Variants in AOPEP observed in about 807,000 individuals in gnomAD.
The protein encoded by AOPEP is aminopeptidase O.
Under a neutral mutation model 98.1 loss-of-function variants are expected in AOPEP, and 77 were observed. That is an observed-to-expected ratio of 0.78 (90% CI 0.65 to 0.95). The LOEUF (loss-of-function observed/expected upper bound fraction) is 0.95. AOPEP is among the 40% of genes least tolerant of loss of function. The pLI, the probability that AOPEP is intolerant of heterozygous loss-of-function variation, is 0.00. For synonymous variants in AOPEP, 346 were observed against 365.3 expected (o/e 0.95, Z 0.60); for missense variants, 1,024 against 1,024.7 (o/e 1.00, Z 0.01).
At chr9:95,105,613 C>A in the AOPEP span, among the ~76,000 whole-genome samples, 6 of 152,142 alleles carry the variant, frequency 3.9e-5, no homozygotes, top group African/African-American at 1.4e-4. Context: ...CAGCACTGGC[C>A]GTCTCCTGCC....
chr9:94,816,246 G>C (rs1005673130), intron 5 of AOPEP, among the ~76,000 whole-genome samples: 3 of 152,198 alleles, frequency 2.0e-5, no homozygotes, highest in African/African-American at 7.2e-5. Context: ...GGCCCCCACA[G>C]TGTATAGTTC....
At chr9:95,091,289 C>T (rs781604670), downstream of AOPEP, among the ~76,000 whole-genome samples, 18 of 152,208 alleles carry the variant, frequency 1.2e-4, no homozygotes, top group South Asian at 2.1e-4. Flanking sequence ...CAGTCCCACC[C>T]GGCAAGGGGC....
intron 6 of AOPEP, among the ~76,000 whole-genome samples, chr9:94,926,719 G>T (rs1181810779): frequency 6.6e-6 from 1 of 151,880 alleles, no homozygotes; most frequent in Non-Finnish European, 1.5e-5. Flanking sequence ...GAGGATACAG[G>T]GTGACAGGGG....
chr9:94,981,679 G>A (rs550747689), intron 11 of AOPEP, among the ~76,000 whole-genome samples: 1 of 152,250 alleles, frequency 6.6e-6, no homozygotes, highest in South Asian at 2.1e-4. Context: ...CAGGAGGCTT[G>A]TGGTGAATGG....
intron 1 of AOPEP, among the ~76,000 whole-genome samples, chr9:94,746,790 A>G (rs756567304): frequency 6.6e-6 from 1 of 152,172 alleles, no homozygotes; most frequent in African/African-American, 2.4e-5. Context: ...ATCACATCAC[A>G]TCATGTTTCA....
chr9:95,119,276 TCGACA>T, the AOPEP span, among the ~76,000 whole-genome samples: 1 of 152,210 alleles, frequency 6.6e-6, no homozygotes. Context: ...TCATATATTC[TCGACA>T]CAAGTCCTCT....
At chr9:94,829,613 G>A (rs769321048) in intron 5 of AOPEP, among the ~76,000 whole-genome samples, 4 of 152,138 alleles carry the variant, frequency 2.6e-5, no homozygotes, top group Non-Finnish European at 4.4e-5. Context: ...TTTTTCTACC[G>A]AAATTCTCTG....
chr9:94,757,205 G>A (rs1837256536), intron 1 of AOPEP, among the ~76,000 whole-genome samples: 1 of 152,204 alleles, frequency 6.6e-6, no homozygotes, highest in Non-Finnish European at 1.5e-5. Flanking sequence ...TTGAGGTATG[G>A]TTGAGTTGCA....
intron 13 of AOPEP, among the ~76,000 whole-genome samples, chr9:95,057,661 T>C (rs1233763012): frequency 6.6e-6 from 1 of 152,254 alleles, no homozygotes; most frequent in Non-Finnish European, 1.5e-5. Context: ...GAATGAAAGA[T>C]GCTTTATTAG....
intron 5 of AOPEP, among the ~76,000 whole-genome samples, chr9:94,850,446 G>A (rs1006470786): frequency 6.6e-6 from 1 of 152,108 alleles, no homozygotes; most frequent in Non-Finnish European, 1.5e-5. Context: ...GTGCACATAT[G>A]CCAGAGTTGC....
rs72750329 is a variant in AOPEP, at chr9:94,949,171, C to G, written c.1662-6006C>G. The stretch of plus-strand genomic sequence containing the variant: ...TGCATTGATTGGTTTCTTATTTTTT[C>G]TCCATGTGGTGTTTTGCTTCTCAGA... On this transcript the variant is annotated intron_variant, in intron 7 of 16. Coordinates refer to ENST00000375315, the MANE Select transcript of AOPEP (RefSeq NM_001193329.3). 5.3e-3 allele frequency among the ~76,000 whole-genome samples: 802 copies of G among 152,286 alleles called. 14 individuals carry two copies. The highest frequency in any genetic ancestry group is 0.044 in the East Asian group (227 of 5,178).
chr9:94,737,528 G>A (rs1461830093), intron 1 of AOPEP, among the ~76,000 whole-genome samples: 1 of 152,178 alleles, frequency 6.6e-6, no homozygotes, highest in African/African-American at 2.4e-5. Context: ...TATATGGAAT[G>A]TTAAATTATT....
At chr9:94,836,636 C>G (rs2041638151) in intron 5 of AOPEP, among the ~76,000 whole-genome samples, 1 of 152,098 alleles carries the variant, frequency 6.6e-6, no homozygotes, top group South Asian at 2.1e-4. Context: ...ATATTTTCTC[C>G]CAGCCTGTAG....
chr9:95,037,947 A>T (rs532510829), intron 13 of AOPEP, among the ~76,000 whole-genome samples: 10 of 152,238 alleles, frequency 6.6e-5, no homozygotes, highest in Non-Finnish European at 1.5e-4. Flanking sequence ...TCAGGCACGT[A>T]TGAGATGGTG....
At chr9:95,034,032 G>T (rs1477557664) in intron 13 of AOPEP, among the ~76,000 whole-genome samples, 3 of 152,182 alleles carry the variant, frequency 2.0e-5, no homozygotes, top group Admixed American at 2.0e-4. Context: ...GGTCATTGAT[G>T]ATGACAGAAT....
the AOPEP span, among the ~76,000 whole-genome samples, chr9:95,147,246 A>G: frequency 2.0e-5 from 3 of 152,110 alleles, no homozygotes; most frequent in South Asian, 6.2e-4. Context: ...TGGCTGGCGC[A>G]GTGGCTCACG....
intron 13 of AOPEP, among the ~76,000 whole-genome samples, chr9:95,059,776 G>A (rs1385087232): frequency 6.6e-6 from 1 of 152,160 alleles, no homozygotes; most frequent in Non-Finnish European, 1.5e-5. Context: ...GCTCAGCAGA[G>A]AGAACCATGG....
chr9:94,927,169 T>C (rs1452173133), intron 6 of AOPEP, among the ~76,000 whole-genome samples: 13 of 152,156 alleles, frequency 8.5e-5, no homozygotes, highest in Admixed American at 2.6e-4. Context: ...CCTCTGTGCA[T>C]GCAGAGAGAA....
chr9:95,069,811 TAGCTCTAACCAGTTAA>T (rs2068296335), intron 14 of AOPEP, among the ~76,000 whole-genome samples: 1 of 152,252 alleles, frequency 6.6e-6, no homozygotes, highest in Non-Finnish European at 1.5e-5. Context: ...GCTGCTGCTT[TAGCTCTAACCAGTTAA>T]GGTGTAGACA....
Sources: allele counts gnomAD v4.1 joint callset (sites outside exome capture counted in the v4.1 genomes callset), GRCh38; gene constraint gnomAD v4.1.1; transcripts MANE v1.5; gene names NCBI Gene and HGNC (gene_info 2026-07-23, HGNC 2026-07-21).